The following MGAM2 variants were observed in gnomAD, a reference collection of about 807,000 sequenced individuals.
MGAM2 encodes probable maltase-glucoamylase 2.
MGAM2 carries 98 observed loss-of-function variants against 96.1 expected under a neutral mutation model. The observed-to-expected ratio is 1.02, with a 90% CI of 0.87 to 1.21. The LOEUF (loss-of-function observed/expected upper bound fraction) is 1.21, where lower values mean the gene tolerates loss of function less well. Among genes scored for constraint, MGAM2 ranks in the 50% most tolerant of loss-of-function variants. MGAM2 has a pLI of 0.00. For missense variants in MGAM2, 2,055 were observed against 1,182.4 expected (o/e 1.74, Z -10.82); for synonymous variants, 749 against 414.8 (o/e 1.81, Z -9.79).
chr7:142,172,836 A>G, intron 30 of MGAM2, 72 bp downstream of exon 30: 1 of 609,134 alleles, frequency 1.6e-6, no homozygotes, highest in Non-Finnish European at 2.9e-6. Context: ...TAGCACTGAG[A>G]TAGGGCAGTT....
intron 37 of MGAM2, among the ~76,000 whole-genome samples, chr7:142,195,271 C>G (rs1796996477): frequency 6.6e-6 from 1 of 150,378 alleles, no homozygotes. Flanking sequence ...TGGCCTCAAG[C>G]AGTCCTTCTG....
intron 28 of MGAM2, among the ~76,000 whole-genome samples, 159 bp from the exon 29 acceptor site, chr7:142,171,939 G>A (rs1469382340): frequency 6.6e-6 from 1 of 151,958 alleles, no homozygotes; most frequent in Non-Finnish European, 1.5e-5. Context: ...GGAAGACACA[G>A]CTTTTAACTT....
chr7:142,127,507 A>G (rs1271456183), intron 3 of MGAM2, among the ~76,000 whole-genome samples: 1 of 151,680 alleles, frequency 6.6e-6, no homozygotes, highest in Non-Finnish European at 1.5e-5. Flanking sequence ...CACATTCCTC[A>G]TTTTTTTAAT....
chr7:142,210,761 C>G (rs1797557280), intron 46 of MGAM2, among the ~76,000 whole-genome samples: 2 of 152,246 alleles, frequency 1.3e-5, no homozygotes, highest in African/African-American at 4.8e-5. Context: ...GTGGATGCAG[C>G]TTCAGCAGAC....
intron 46 of MGAM2, among the ~76,000 whole-genome samples, chr7:142,209,709 G>A (rs1797517968): frequency 6.6e-6 from 1 of 152,024 alleles, no homozygotes; most frequent in African/African-American, 2.4e-5. Context: ...GCTTATAGTG[G>A]TTTCCAGGTC....
At chr7:142,114,200 A>AAGAG (rs1256608272) in intron 1 of MGAM2, among the ~76,000 whole-genome samples, 4 of 139,270 alleles carry the variant, frequency 2.9e-5, no homozygotes, top group African/African-American at 5.9e-5. Flanking sequence ...GAAAGAAAGA[A>AAGAG]AGAAAGAAAG....
chr7:142,155,172 A>G (rs1432718636), intron 17 of MGAM2, among the ~76,000 whole-genome samples: 2 of 152,218 alleles, frequency 1.3e-5, no homozygotes, highest in Non-Finnish European at 2.9e-5. Flanking sequence ...ATTTCAGTTA[A>G]TACAAGGGAA....
At chr7:142,145,476 A>G (rs1795356257) in intron 14 of MGAM2, among the ~76,000 whole-genome samples, 1 of 151,330 alleles carries the variant, frequency 6.6e-6, no homozygotes, top group African/African-American at 2.4e-5. Flanking sequence ...TCAAGGTCCC[A>G]TTTATAGGTC....
chr7:142,150,122 G>T (rs933594550), intron 15 of MGAM2, among the ~76,000 whole-genome samples: 1 of 151,772 alleles, frequency 6.6e-6, no homozygotes, highest in South Asian at 2.1e-4. Flanking sequence ...TGTATTTTTA[G>T]TAGAGACGGG....
At chr7:142,169,545 C>T (rs10269081) in intron 26 of MGAM2, among the ~76,000 whole-genome samples, 10,448 of 152,164 alleles carry the variant, frequency 0.069, 559 homozygotes, top group African/African-American at 0.14. Flanking sequence ...TAACATTTTT[C>T]ACTCCTTTTA....
chr7:142,154,981 C>A, intron 17 of MGAM2, 136 bp downstream of exon 17: 1 of 614,344 alleles, frequency 1.6e-6, no homozygotes, highest in Non-Finnish European at 2.9e-6. Context: ...GTATCATAGC[C>A]TTAAAAAGCA....
At chr7:142,120,191 G>A (rs1293824268) in intron 2 of MGAM2, 111 bp from the exon 3 acceptor site, 8 of 620,286 alleles carry the variant, frequency 1.3e-5, no homozygotes, top group Middle Eastern at 2.5e-4. Flanking sequence ...ACCAGCTACC[G>A]GTGATCTGTT....
At chr7:142,174,276 G>C (rs930128390) in intron 31 of MGAM2, among the ~76,000 whole-genome samples, 4 of 152,082 alleles carry the variant, frequency 2.6e-5, no homozygotes, top group Non-Finnish European at 5.9e-5. Context: ...TGGGCAGTAT[G>C]GTCATTTTAA....
In MGAM2 at chr7:142,170,074, G is replaced by A; in HGVS notation, c.3028-1G>A. 2.9e-6 allele frequency: 2 copies of A among 699,404 alleles called. No homozygotes were observed. The highest frequency in any genetic ancestry group is 5.2e-6 in the Non-Finnish European group (2 of 383,860). 43.3% of individuals were successfully genotyped at this position (699,404 alleles called of 1,614,324 possible). A position where few individuals can be genotyped will look rare whatever the true frequency, so the allele number is the denominator to read the frequency against. ...AAAGTTTTCTTCTCTCTTCTTGCCA[G>A]ATCTATGACCCCACTAATAAAAGGT... On this transcript the variant is annotated splice_acceptor_variant, in intron 26 of 47. Coordinates refer to ENST00000477922, the MANE Select transcript of MGAM2 (RefSeq NM_001293626.2). LOFTEE classifies it high-confidence loss of function.
chr7:142,191,132 C>G (rs927273711), intron 37 of MGAM2, among the ~76,000 whole-genome samples: 1 of 59,718 alleles, frequency 1.7e-5, no homozygotes, highest in Non-Finnish European at 3.1e-5. Flanking sequence ...ACTATCTCTA[C>G]AGAAAAAAAA....
intron 7 of MGAM2, among the ~76,000 whole-genome samples, chr7:142,134,585 C>T (rs1324006034): frequency 6.6e-6 from 1 of 152,038 alleles, no homozygotes; most frequent in Non-Finnish European, 1.5e-5. Context: ...AAGTGTGTTT[C>T]AGAAACGTCA....
chr7:142,129,017 G>C (rs921001645), intron 3 of MGAM2, among the ~76,000 whole-genome samples: 7 of 152,208 alleles, frequency 4.6e-5, no homozygotes, highest in East Asian at 3.9e-4. Context: ...CAGCCAAGAG[G>C]GGGGCTGTAC....
rs1423609737 is a variant in MGAM2 at position 142,197,439 on chromosome 7, T to C, written c.4672T>C (p.Leu1558=). 1 of 702,912 alleles carries C rather than the reference T, an allele frequency of 1.4e-6. No homozygotes were observed. The highest frequency in any genetic ancestry group is 2.6e-6 in the Non-Finnish European group (1 of 385,018). The allele number at this position is 702,912 out of a possible 1,614,324, so 43.5% of individuals were successfully genotyped here. Residue 1558 remains leucine, a synonymous_variant, in exon 41 of 48, where the codon TTG becomes CTG. Transcript: ENST00000477922. The stretch of plus-strand genomic sequence containing the variant: ...GGCCTGGAATTCAACCTTTGAGATG[T>C]TGTCCAGAAAAGTCCTAGAGACCAG... ...PVAWNSTFEM[L]SRKVLETRYT... is the part of the protein sequence containing the mutation.
In MGAM2 at chr7:142,160,238, A is replaced by C; in HGVS notation, c.2325A>C (p.Pro775=). 1 of 701,720 alleles carries C rather than the reference A, an allele frequency of 1.4e-6. No homozygotes were observed. The highest frequency in any genetic ancestry group is 2.6e-6 in the Non-Finnish European group (1 of 384,352). The allele number at this position is 701,720 out of a possible 1,614,324, so 43.5% of individuals were successfully genotyped here. Residue 775 remains proline (P), a synonymous_variant, in exon 21 of 48, where the codon CCA becomes CCC. Transcript: ENST00000477922. ...GCTACATATTTCCCACTCAGAAGCC[A>C]AACACAACCACAGAAGCCAGGTAAG... ...RGGYIFPTQK[P]NTTTEASRRN... is the part of the protein sequence containing the mutation.
Sources: gnomAD v4.1 joint callset for allele counts (sites outside exome capture counted in the v4.1 genomes callset) on GRCh38, gnomAD v4.1.1 for gene constraint, MANE v1.5 for transcripts, NCBI Gene and HGNC (gene_info 2026-07-23, HGNC 2026-07-21) for gene names.